The following NOX4 variants were observed in gnomAD, a reference collection of about 807,000 sequenced individuals.
The protein encoded by NOX4 is NADPH oxidase 4.
NOX4 carries 69 observed loss-of-function variants against 87.6 expected under a neutral mutation model. The ratio of observed to expected loss-of-function variants is 0.79; its 90% CI spans 0.65 to 0.96. The LOEUF (loss-of-function observed/expected upper bound fraction) is 0.96. Ranked by LOEUF, NOX4 falls within the 40% of genes least tolerant of loss-of-function variation. The pLI is 0.00. For missense variants in NOX4, 680 were observed against 681.5 expected (o/e 1.00, Z 0.02); for synonymous variants, 275 against 238.2 (o/e 1.15, Z -1.42).
At chr11:89,434,579 C>T (rs1030556395) in intron 6 of NOX4, among the ~76,000 whole-genome samples, 1 of 151,234 alleles carries the variant, frequency 6.6e-6, no homozygotes, top group Non-Finnish European at 1.5e-5. Flanking sequence ...AGCATGCCTG[C>T]AAAGTAACCC....
chr11:89,403,302 A>G (rs866509702), intron 8 of NOX4, among the ~76,000 whole-genome samples: 24 of 152,312 alleles, frequency 1.6e-4, no homozygotes, highest in African/African-American at 5.3e-4. Context: ...AAAATGACAG[A>G]TTGTACATAG....
At chr11:89,515,561 T>C in the NOX4 span, among the ~76,000 whole-genome samples, 1 of 151,744 alleles carries the variant, frequency 6.6e-6, no homozygotes, top group Non-Finnish European at 1.5e-5. Flanking sequence ...TAAAAGAGTG[T>C]AATGTTTGTA....
the NOX4 span, among the ~76,000 whole-genome samples, chr11:89,538,483 T>C: frequency 6.6e-6 from 1 of 152,222 alleles, no homozygotes; most frequent in Non-Finnish European, 1.5e-5. Flanking sequence ...CTGCTTCTGA[T>C]AATGGAGGCA....
intron 2 of NOX4, among the ~76,000 whole-genome samples, chr11:89,454,687 G>A (rs143005395): frequency 2.0e-5 from 3 of 151,984 alleles, no homozygotes; most frequent in Admixed American, 6.6e-5. Flanking sequence ...TAAATAAAAA[G>A]CAAAGCAGGA....
chr11:89,460,611 C>T (rs543295112), intron 2 of NOX4, among the ~76,000 whole-genome samples: 2,488 of 152,190 alleles, frequency 0.016, 78 homozygotes, highest in African/African-American at 0.056. Flanking sequence ...CAATGAGATA[C>T]CATCTCACAC....
chr11:89,363,834 T>C (rs1328189983), intron 12 of NOX4, among the ~76,000 whole-genome samples: 1 of 152,108 alleles, frequency 6.6e-6, no homozygotes, highest in Non-Finnish European at 1.5e-5. Flanking sequence ...TAATGCATAG[T>C]AATACATGGT....
chr11:89,379,002 A>G (rs181567558), intron 11 of NOX4, among the ~76,000 whole-genome samples: 2,394 of 152,300 alleles, frequency 0.016, 61 homozygotes, highest in African/African-American at 0.055. Flanking sequence ...TTCAATATTA[A>G]AAAGAAAGAT....
chr11:89,402,993 C>A (rs1941964516), intron 8 of NOX4, among the ~76,000 whole-genome samples: 1 of 152,154 alleles, frequency 6.6e-6, no homozygotes, highest in Admixed American at 6.6e-5. Flanking sequence ...ACAAGCCTTG[C>A]TGATTTGCAG....
intron 11 of NOX4, among the ~76,000 whole-genome samples, chr11:89,383,270 C>A (rs1940434611): frequency 6.6e-6 from 1 of 152,238 alleles, no homozygotes; most frequent in African/African-American, 2.4e-5. Flanking sequence ...TGCCAGAAAT[C>A]TGGCCACTGG....
intron 7 of NOX4, among the ~76,000 whole-genome samples, chr11:89,427,444 G>A (rs959912431): frequency 2.0e-5 from 3 of 152,050 alleles, no homozygotes; most frequent in Admixed American, 6.6e-5. Flanking sequence ...GAGGAAGTTC[G>A]AACCCATTGC....
At chr11:89,569,933 C>G in the NOX4 span, among the ~76,000 whole-genome samples, 1 of 149,104 alleles carries the variant, frequency 6.7e-6, no homozygotes, top group African/African-American at 2.5e-5. Flanking sequence ...ACCTGGGAGG[C>G]GGAGCTTGCA....
intron 13 of NOX4, among the ~76,000 whole-genome samples, chr11:89,347,135 G>A (rs1946249005): frequency 6.6e-6 from 1 of 152,242 alleles, no homozygotes; most frequent in Middle Eastern, 3.4e-3. Flanking sequence ...GTATACTGTG[G>A]AAAATCTTAT....
At chr11:89,553,386 C>T in the NOX4 span, among the ~76,000 whole-genome samples, 4 of 152,136 alleles carry the variant, frequency 2.6e-5, no homozygotes, top group Non-Finnish European at 5.9e-5. Flanking sequence ...TGTCTTGCTT[C>T]CCCTTCTGCT....
intron 7 of NOX4, among the ~76,000 whole-genome samples, chr11:89,431,368 C>A (rs1943771410): frequency 6.6e-6 from 1 of 152,114 alleles, no homozygotes; most frequent in Non-Finnish European, 1.5e-5. Flanking sequence ...TCTAATTAAA[C>A]TAAAGAGCTT....
At chr11:89,434,621 G>T (rs1943986338) in intron 6 of NOX4, among the ~76,000 whole-genome samples, 1 of 147,632 alleles carries the variant, frequency 6.8e-6, no homozygotes, top group South Asian at 2.4e-4. Flanking sequence ...TTACCCAAAA[G>T]AAACAAACAT....
At chr11:89,526,741 C>T in the NOX4 span, among the ~76,000 whole-genome samples, 2 of 152,116 alleles carry the variant, frequency 1.3e-5, no homozygotes, top group Admixed American at 6.6e-5. Flanking sequence ...TTGTAAGTTT[C>T]CTGAGGCCTC....
At chr11:89,507,200 C>T in the NOX4 span, among the ~76,000 whole-genome samples, 20 of 151,802 alleles carry the variant, frequency 1.3e-4, no homozygotes, top group Middle Eastern at 6.8e-3. Flanking sequence ...ATTGAGGAAT[C>T]GTTTAGTAGG....
chr11:89,402,979 T>C (rs115350579), intron 8 of NOX4, among the ~76,000 whole-genome samples: 14 of 152,300 alleles, frequency 9.2e-5, no homozygotes, highest in African/African-American at 3.4e-4. Context: ...CAAGCCTGGA[T>C]AAAACAAGCC....
chr11:89,395,307 A>G (rs564936539), intron 11 of NOX4, among the ~76,000 whole-genome samples: 1 of 152,258 alleles, frequency 6.6e-6, no homozygotes, highest in East Asian at 1.9e-4. Flanking sequence ...TCTTCTTTTG[A>G]GAAGTGTCTG....
Sources: gnomAD v4.1 joint callset for allele counts (sites outside exome capture counted in the v4.1 genomes callset) on GRCh38, gnomAD v4.1.1 for gene constraint, MANE v1.5 for transcripts, NCBI Gene and HGNC (gene_info 2026-07-23, HGNC 2026-07-21) for gene names.